The following ERBB4 variants were observed in gnomAD, a reference collection of about 807,000 sequenced individuals.
ERBB4 encodes receptor tyrosine-protein kinase erbB-4.
In ERBB4, 42 loss-of-function variants were observed where a neutral mutation model predicts 158.0. That is an observed-to-expected ratio of 0.27 (90% CI 0.21 to 0.34). ERBB4 has a LOEUF of 0.34. Ranked by LOEUF, ERBB4 falls within the 10% of genes least tolerant of loss-of-function variation. The pLI, the probability that ERBB4 is intolerant of heterozygous loss-of-function variation, is 1.00. For synonymous variants in ERBB4, 583 were observed against 558.7 expected, an observed-to-expected ratio of 1.04 and a Z score of -0.61; for missense variants, 1,333 against 1,624.1, an observed-to-expected ratio of 0.82 and a Z score of 3.08.
intron 12 of ERBB4, among the ~76,000 whole-genome samples, chr2:211,681,182 T>A (rs1330970890): frequency 6.6e-6 from 1 of 152,180 alleles, no homozygotes; most frequent in Non-Finnish European, 1.5e-5. Flanking sequence ...ACTGCATGTA[T>A]CAATAGTTTA....
At chr2:212,204,033 A>G (rs1018582559) in intron 1 of ERBB4, among the ~76,000 whole-genome samples, 5 of 152,228 alleles carry the variant, frequency 3.3e-5, no homozygotes, top group Non-Finnish European at 7.3e-5. Flanking sequence ...CTAAAATTAT[A>G]AAGATTATCA....
At chr2:212,375,246 C>G (rs560179175) in intron 1 of ERBB4, among the ~76,000 whole-genome samples, 7 of 152,036 alleles carry the variant, frequency 4.6e-5, no homozygotes, top group African/African-American at 1.7e-4. Flanking sequence ...TATGGTACTA[C>G]CACAGTAATA....
intron 1 of ERBB4, among the ~76,000 whole-genome samples, chr2:212,371,134 T>C (rs1258671574): frequency 6.6e-6 from 1 of 152,204 alleles, no homozygotes; most frequent in African/African-American, 2.4e-5. Context: ...CCAATCACGT[T>C]GGGCAAGGTG....
At chr2:211,656,216 C>G (rs578250744) in intron 16 of ERBB4, among the ~76,000 whole-genome samples, 1 of 152,270 alleles carries the variant, frequency 6.6e-6, no homozygotes, top group Admixed American at 6.5e-5. Flanking sequence ...GTTTCTTGAT[C>G]TGGTAAATGG....
At chr2:212,363,335 G>A (rs1200986061) in intron 1 of ERBB4, among the ~76,000 whole-genome samples, 1 of 151,264 alleles carries the variant, frequency 6.6e-6, no homozygotes, top group African/African-American at 2.4e-5. Flanking sequence ...ATGAAAATAA[G>A]TAGGCTTTTA....
chr2:211,452,765 C>T (rs977985466), intron 20 of ERBB4, among the ~76,000 whole-genome samples: 1 of 152,096 alleles, frequency 6.6e-6, no homozygotes, highest in South Asian at 2.1e-4. Flanking sequence ...ATTTCAAAGA[C>T]ACCACACTAG....
At chr2:212,335,083 C>T (rs1054967399) in intron 1 of ERBB4, among the ~76,000 whole-genome samples, 1 of 151,930 alleles carries the variant, frequency 6.6e-6, no homozygotes, top group Non-Finnish European at 1.5e-5. Flanking sequence ...GAGAGCTATT[C>T]TGTAAAACAT....
At chr2:212,158,119 G>A (rs2081096207) in intron 1 of ERBB4, among the ~76,000 whole-genome samples, 1 of 151,974 alleles carries the variant, frequency 6.6e-6, no homozygotes, top group Admixed American at 6.6e-5. Context: ...TGAATCCTTT[G>A]AACAAATTAG....
intron 3 of ERBB4, among the ~76,000 whole-genome samples, chr2:211,788,723 A>G (rs1265380249): frequency 2.0e-5 from 3 of 152,104 alleles, no homozygotes; most frequent in Admixed American, 2.0e-4. Flanking sequence ...CAATTGTCAT[A>G]TTATCCTTAG....
intron 1 of ERBB4, among the ~76,000 whole-genome samples, chr2:212,505,420 GAGTA>G: frequency 8.1e-6 from 1 of 124,174 alleles, no homozygotes; most frequent in Non-Finnish European, 2.0e-5. Flanking sequence ...TGAAGAGAGT[GAGTA>G]TTAAACATCA....
At chr2:211,846,737 A>C (rs1016017980) in intron 3 of ERBB4, among the ~76,000 whole-genome samples, 1 of 152,144 alleles carries the variant, frequency 6.6e-6, no homozygotes, top group Non-Finnish European at 1.5e-5. Context: ...GAACTTGAAA[A>C]TAATAGTCTA....
intron 16 of ERBB4, among the ~76,000 whole-genome samples, chr2:211,642,337 C>A (rs543198270): frequency 6.6e-6 from 1 of 152,110 alleles, no homozygotes; most frequent in African/African-American, 2.4e-5. Flanking sequence ...ATGATCAGTT[C>A]CCTTTTCTTG....
At chr2:211,625,526 C>T (rs1018530470) in intron 17 of ERBB4, among the ~76,000 whole-genome samples, 1 of 152,170 alleles carries the variant, frequency 6.6e-6, no homozygotes, top group Admixed American at 6.5e-5. Flanking sequence ...TTTGACAACT[C>T]ATCTTCAATT....
intron 19 of ERBB4, among the ~76,000 whole-genome samples, chr2:211,610,476 C>T (rs1369329142): frequency 1.3e-5 from 2 of 152,140 alleles, no homozygotes; most frequent in Admixed American, 6.5e-5. Flanking sequence ...CTGGTGTTTG[C>T]TTGTCCTTTG....
intron 25 of ERBB4, among the ~76,000 whole-genome samples, chr2:211,415,953 A>C (rs2063379838): frequency 6.6e-6 from 1 of 152,240 alleles, no homozygotes; most frequent in Non-Finnish European, 1.5e-5. Flanking sequence ...AAGAAGTTAC[A>C]TTGTGATGAT....
At chr2:211,662,863 A>G (rs949025312) in intron 15 of ERBB4, among the ~76,000 whole-genome samples, 5 of 152,190 alleles carry the variant, frequency 3.3e-5, no homozygotes, top group African/African-American at 1.2e-4. Context: ...TTGAAAGACT[A>G]TTTTCATTAA....
At chr2:212,527,782 C>T (rs1372567355) in intron 1 of ERBB4, among the ~76,000 whole-genome samples, 1 of 151,300 alleles carries the variant, frequency 6.6e-6, no homozygotes, top group Non-Finnish European at 1.5e-5. Flanking sequence ...TATACATGTG[C>T]CATGCTGGTG....
At chr2:211,855,125 C>T (rs11893981) in intron 3 of ERBB4, among the ~76,000 whole-genome samples, 32,359 of 151,904 alleles carry the variant, frequency 0.21, 3,571 homozygotes, top group South Asian at 0.32. Context: ...TTCATGTATA[C>T]AGTGGGTCTT....
chr2:212,415,634 G>C (rs990811790), intron 1 of ERBB4, among the ~76,000 whole-genome samples: 1 of 151,936 alleles, frequency 6.6e-6, no homozygotes, highest in Admixed American at 6.6e-5. Context: ...GTATAACCAA[G>C]AATAAATGTA....
Sources: allele counts gnomAD v4.1 joint callset (sites outside exome capture counted in the v4.1 genomes callset), GRCh38; gene constraint gnomAD v4.1.1; transcripts MANE v1.5; gene names NCBI Gene and HGNC (gene_info 2026-07-23, HGNC 2026-07-21).